PROB1: variants seen among roughly 807,000 people sequenced by gnomAD.
PROB1 encodes proline rich basic protein 1.
For missense variants in PROB1, 1,453 were observed against 1,485.7 expected (o/e 0.98, Z 0.36); for synonymous variants, 660 against 699.3 (o/e 0.94, Z 0.89).
In PROB1 at chr5:139,392,536, G is replaced by A; in HGVS notation, c.2546C>T (p.Ala849Val). 2 of 1,352,914 alleles carry A rather than the reference G, an allele frequency of 1.5e-6. No homozygotes were observed. The highest frequency in any genetic ancestry group is 1.9e-6 in the Non-Finnish European group (2 of 1,058,272). 83.8% of individuals were successfully genotyped at this position (1,352,914 alleles called of 1,614,324 possible). Residue 849 changes from alanine (A) to valine (V), a missense_variant, in exon 1 of 1, where the codon GCC becomes GTC. Transcript: ENST00000434752. The surrounding 1 kb of genome is among the most constrained non-coding windows in gnomAD (Gnocchi z 5.8). ...PLALAGRTAP[A>V]QPRAASAPPT... is the part of the protein sequence containing the mutation. The stretch of plus-strand genomic sequence containing the variant: ...AGGCGCCGAGGCAGCGCGGGGCTGG[G>A]CTGGGGCCGTCCTGCCCGCCAACGC...
At position 139,393,016 on chromosome 5, in the gene PROB1, G is replaced by T. The variant is rs946487506; in HGVS notation, c.2066C>A (p.Pro689Gln). Reference protein sequence around the residue: ...YTSVFIKDFLPVVPHPYEPPE... With the variant: ...YTSVFIKDFLQVVPHPYEPPE... ...AGGCTCGTAGGGGTGCGGCACCACC[G>T]GTAGAAAATCCTTGATGAAAACGGA... The change falls in exon 1 of 1, where the codon CCG (proline) becomes CAG (glutamine). Residue 689 changes from proline to glutamine, a missense_variant. Physicochemically the swap from Pro to Gln is moderately conservative, Grantham distance 76. Transcript: ENST00000434752. 5.3e-6 allele frequency: 8 copies of T among 1,522,560 alleles called. No homozygotes were observed. The African/African-American group carries it at 1.1e-4, about 21-fold the overall frequency. 94.3% of individuals were successfully genotyped at this position (1,522,560 alleles called of 1,614,324 possible). A position where few individuals can be genotyped will look rare whatever the true frequency, so the allele number is the denominator to read the frequency against.
rs1175408915 is a variant in PROB1 at position 139,393,257 on chromosome 5, G to A, written c.1825C>T (p.Pro609Ser). The A allele has an allele frequency of 2.5e-5, 39 of 1,549,420 alleles. No individual in the cohort carries two copies. In the Admixed American group the frequency reaches 7.5e-4, roughly 30 times the overall value. The change falls in exon 1 of 1, where the codon CCT becomes TCT. Residue 609 changes from proline to serine, a missense_variant. Coordinates refer to ENST00000434752, the MANE Select transcript of PROB1 (RefSeq NM_001161546.2). ...GGGCGTCCCGAGGCCGCCTCTCCAGGACCCAAGACTTCCGGGCACTTATCC... is the reference window on the plus strand; with the variant it reads ...GGGCGTCCCGAGGCCGCCTCTCCAGAACCCAAGACTTCCGGGCACTTATCC... The part of the protein sequence containing the change: ...DADKCPEVLG[P>S]GEAASGRPRM...
Position 139,394,740 on chromosome 5 carries a change from G to A in PROB1, c.342C>T (p.Ile114=). ...AGCCGAACAGGGGTCCGACGCCGAA[G>A]ATGACTTCCATCTCCCCCGACGGCA... ...RTLPSGEMEV[I]FGVGPLFGCS... Residue 114 remains isoleucine (I), a synonymous_variant, in exon 1 of 1, where the codon ATC becomes ATT. Transcript: ENST00000434752. 1 of 1,534,050 alleles carries A rather than the reference G, an allele frequency of 6.5e-7. No homozygotes were observed. Among genetic ancestry groups the A allele is most frequent in the Non-Finnish European group, 8.7e-7 (1 of 1,143,874 alleles).
In PROB1 at chr5:139,394,677, G is replaced by T. The variant is rs1252440030; in HGVS notation, c.405C>A (p.Phe135Leu). ...AGGGGCTGATGAAGGCCGGCTCCGT[G>T]AACTGTTGTTGCGCCTCGCGATCGT... ...GADDREAQQQ[F>L]TEPAFISPLP... Residue 135 changes from phenylalanine to leucine, a missense_variant, in exon 1 of 1, where the codon TTC (phenylalanine) becomes TTA (leucine). Phe to Leu is a conservative substitution (Grantham distance 22). Transcript: ENST00000434752. 1 of 1,534,574 alleles carries T rather than the reference G, an allele frequency of 6.5e-7. No individual in the cohort carries two copies. The highest frequency in any genetic ancestry group is 2.5e-5 in the East Asian group (1 of 40,464).
Position 139,393,897 on chromosome 5 carries a change from C to T in PROB1, c.1185G>A (p.Pro395=). The part of the protein sequence containing the change: ...SRAVRPRSPS[P]PRQTPNGAVR... ...CAGCCCCATTTGGAGTCTGCCGTGG[C>T]GGGGACGGGCTCCTTGGCCTCACAG... The change falls in exon 1 of 1, where the codon CCG becomes CCA. Residue 395 remains proline (P), a synonymous_variant. Transcript: ENST00000434752. 6.4e-7 allele frequency: 1 copy of T among 1,550,996 alleles called. No individual in the cohort carries two copies. The highest frequency in any genetic ancestry group is 2.4e-5 in the East Asian group (1 of 40,922).
rs1182521878 is a variant in PROB1, at chr5:139,392,027, C to T, written c.*7G>A. 4.3e-6 allele frequency: 6 copies of T among 1,393,758 alleles called. No homozygotes were observed. Among genetic ancestry groups the T allele is most frequent in the Non-Finnish European group, 5.6e-6 (6 of 1,070,716 alleles). The allele number at this position is 1,393,758 out of a possible 1,614,324, so 86.3% of individuals were successfully genotyped here. A position where few individuals can be genotyped will look rare whatever the true frequency, so the allele number is the denominator to read the frequency against. ...GGCTCCAACTCCATGGGGATCGGCC[C>T]GGGGCCTCACAGCGGGAACAATGAA... On this transcript the variant is annotated 3_prime_UTR_variant, in exon 1 of 1. Coordinates refer to ENST00000434752, the MANE Select transcript of PROB1 (RefSeq NM_001161546.2). This position sits in a 1 kb window ranked among gnomAD's most constrained non-coding sequence, Gnocchi z 5.8.
rs1049021469 is a variant in PROB1 at position 139,394,579 on chromosome 5, G to T, written c.503C>A (p.Ala168Asp). 1 of 1,527,782 alleles carries T rather than the reference G, an allele frequency of 6.5e-7. No homozygotes were observed. Among genetic ancestry groups the T allele is most frequent in the African/African-American group, 1.4e-5 (1 of 71,942 alleles). 94.6% of individuals were successfully genotyped at this position (1,527,782 alleles called of 1,614,324 possible). A position where few individuals can be genotyped will look rare whatever the true frequency, so the allele number is the denominator to read the frequency against. The change falls in exon 1 of 1, where the codon GCC becomes GAC. Residue 168 changes from alanine to aspartate, a missense_variant. Physicochemically the swap from Ala to Asp is moderately radical, Grantham distance 126. Coordinates refer to ENST00000434752, the MANE Select transcript of PROB1 (RefSeq NM_001161546.2). ...SQVPDGGSRW[A>D]TYLELRPRGP... The stretch of plus-strand genomic sequence containing the variant: ...ACGGGGCCGCAGCTCTAGGTAGGTG[G>T]CCCAGCGGGAGCCACCATCGGGGAC...
chr5:139,393,526 TG>T lies in PROB1; in HGVS notation c.1555del (p.Gln519LysfsTer13). 6.4e-7 allele frequency: 1 copy of T among 1,551,362 alleles called. No individual in the cohort carries two copies. The highest frequency in any genetic ancestry group is 2.4e-5 in the East Asian group (1 of 40,902). On this transcript the variant is annotated frameshift_variant, in exon 1 of 1. Transcript: ENST00000434752. LOFTEE classifies it low-confidence loss of function (END_TRUNC). ...RPIGTWGPSPQETWDPMGPGS... is the reference protein window; with the variant it reads ...RPIGTWGPSPXETWDPMGPGS... ...CGGCCCCATGGGATCCCATGTCTCT[TG>T]GGGAGATGGGCCCCAAGTTCCAATA...
chr5:139,394,713 G>A lies in PROB1; in HGVS notation c.369C>T (p.Cys123=). The change falls in exon 1 of 1, where the codon TGC becomes TGT. Residue 123 remains cysteine, a synonymous_variant. Coordinates refer to ENST00000434752, the MANE Select transcript of PROB1 (RefSeq NM_001161546.2). ...VIFGVGPLFG[C]SGADDREAQQ... ...GCGCCTCGCGATCGTCTGCGCCGGA[G>A]CAGCCGAACAGGGGTCCGACGCCGA... The A allele has an allele frequency of 6.5e-7, 1 of 1,532,990 alleles. No homozygotes were observed. The allele number at this position is 1,532,990 out of a possible 1,614,324, so 95.0% of individuals were successfully genotyped here.
chr5:139,394,804 C>G lies in PROB1; in HGVS notation c.278G>C (p.Gly93Ala). The G allele has an allele frequency of 6.5e-7, 1 of 1,529,582 alleles. No homozygotes were observed. The highest frequency in any genetic ancestry group is 8.8e-7 in the Non-Finnish European group (1 of 1,138,612). 94.8% of individuals were successfully genotyped at this position (1,529,582 alleles called of 1,614,324 possible). Residue 93 changes from glycine to alanine, a missense_variant, in exon 1 of 1, where the codon GGT becomes GCT. Transcript: ENST00000434752. ...GPGSGFPRGPGSGPRPPQPQL... is the reference protein window; with the variant it reads ...GPGSGFPRGPASGPRPPQPQL... ...GGGCTGGGGTGGCCGTGGGCCGGAA[C>G]CTGGGCCTCGCGGGAAACCCGAGCC... is the stretch of plus-strand genomic sequence containing the variant.
In PROB1 at chr5:139,392,517, C is replaced by A; in HGVS notation, c.2565G>T (p.Ser855=). ...GCGGGGACCGGTCCGTGGGAGGCGCCGAGGCAGCGCGGGGCTGGGCTGGGG... is the reference window on the plus strand; with the variant it reads ...GCGGGGACCGGTCCGTGGGAGGCGCAGAGGCAGCGCGGGGCTGGGCTGGGG... ...RTAPAQPRAA[S]APPTDRSPQS... The change falls in exon 1 of 1, where the codon TCG becomes TCT. Residue 855 remains serine, a synonymous_variant. Transcript: ENST00000434752. The surrounding 1 kb of genome is among the most constrained non-coding windows in gnomAD (Gnocchi z 5.8). The A allele has an allele frequency of 7.4e-7, 1 of 1,342,952 alleles. No homozygotes were observed. Among genetic ancestry groups the A allele is most frequent in the Non-Finnish European group, 9.5e-7 (1 of 1,051,710 alleles). The allele number at this position is 1,342,952 out of a possible 1,614,324, so 83.2% of individuals were successfully genotyped here.
Position 139,392,923 on chromosome 5 carries a change from GC to G in PROB1, c.2158del (p.Ala720GlnfsTer28). ...SQPNGVLRRRAENSTAKPFKR... is the reference protein window; with the variant it reads ...SQPNGVLRRRXENSTAKPFKR... Reference sequence around the variant, plus strand: ...GAAGGGCTTCGCCGTGCTGTTCTCTGCCCTCCGCCGCAGGACCCCGTTGGGC... The same window carrying G: ...GAAGGGCTTCGCCGTGCTGTTCTCTGCCTCCGCCGCAGGACCCCGTTGGGC... On this transcript the variant is annotated frameshift_variant, in exon 1 of 1. Coordinates refer to ENST00000434752, the MANE Select transcript of PROB1 (RefSeq NM_001161546.2). LOFTEE classifies it low-confidence loss of function (END_TRUNC). This position sits in a 1 kb window ranked among gnomAD's most constrained non-coding sequence, Gnocchi z 5.8. The G allele has an allele frequency of 6.5e-7, 1 of 1,528,782 alleles. No individual in the cohort carries two copies. The highest frequency in any genetic ancestry group is 8.8e-7 in the Non-Finnish European group (1 of 1,133,708). 94.7% of individuals were successfully genotyped at this position (1,528,782 alleles called of 1,614,324 possible).
At position 139,391,910 on chromosome 5, in the gene PROB1, G is replaced by T. The variant is rs1758605295; in HGVS notation, c.*124C>A. ...ATTCATTCTCTGAAGATCACTTCCTGTCCGACGACTGACTGGGATGGGTTA... is the reference window on the plus strand; with the variant it reads ...ATTCATTCTCTGAAGATCACTTCCTTTCCGACGACTGACTGGGATGGGTTA... On this transcript the variant is annotated 3_prime_UTR_variant, in exon 1 of 1. Transcript: ENST00000434752. The surrounding 1 kb of genome is among the most constrained non-coding windows in gnomAD (Gnocchi z 4.8). The T allele has an allele frequency of 2.6e-6, 2 of 780,940 alleles. No homozygotes were observed. Among genetic ancestry groups the T allele is most frequent in the Non-Finnish European group, 1.8e-6 (1 of 569,670 alleles). 48.4% of individuals were successfully genotyped at this position (780,940 alleles called of 1,614,324 possible). A position where few individuals can be genotyped will look rare whatever the true frequency, so the allele number is the denominator to read the frequency against.
chr5:139,393,888 CTGCCG>C lies in PROB1; in HGVS notation c.1189_1193del (p.Arg397AspfsTer29), dbSNP rs903857865. ...GACCCCGTACAGCCCCATTTGGAGT[CTGCCG>C]TGGCGGGGACGGGCTCCTTGGCCTC... On this transcript the variant is annotated frameshift_variant, in exon 1 of 1. Transcript: ENST00000434752. LOFTEE classifies it low-confidence loss of function (END_TRUNC). 138 of 1,549,542 alleles carry C rather than the reference CTGCCG, an allele frequency of 8.9e-5. No individual in the cohort carries two copies. The highest frequency in any genetic ancestry group is 1.1e-4 in the Non-Finnish European group (130 of 1,146,560).
chr5:139,391,961 A>G lies in PROB1; in HGVS notation c.*73T>C, dbSNP rs1758605788. 8.4e-7 allele frequency: 1 copy of G among 1,186,230 alleles called. No homozygotes were observed. Among genetic ancestry groups the G allele is most frequent in the South Asian group, 2.8e-5 (1 of 36,070 alleles). 73.5% of individuals were successfully genotyped at this position (1,186,230 alleles called of 1,614,324 possible). A position where few individuals can be genotyped will look rare whatever the true frequency, so the allele number is the denominator to read the frequency against. ...AAGACAGAGGCGACGGAAGGAGAGG[A>G]GGGTAGGGGCTTGGATGCCAGAACC... is the stretch of plus-strand genomic sequence containing the variant. On this transcript the variant is annotated 3_prime_UTR_variant, in exon 1 of 1. Coordinates refer to ENST00000434752, the MANE Select transcript of PROB1 (RefSeq NM_001161546.2). This position sits in a 1 kb window ranked among gnomAD's most constrained non-coding sequence, Gnocchi z 4.8.
In PROB1 at chr5:139,394,417, G is replaced by A. The variant is rs748561015; in HGVS notation, c.665C>T (p.Ala222Val). The A allele has an allele frequency of 1.1e-4, 157 of 1,387,566 alleles. 1 individual carries two copies. The highest frequency in any genetic ancestry group is 1.8e-4 in the Admixed American group (5 of 27,342). The allele number at this position is 1,387,566 out of a possible 1,614,324, so 86.0% of individuals were successfully genotyped here. The change falls in exon 1 of 1, where the codon GCG becomes GTG. Residue 222 changes from alanine to valine, a missense_variant. By Grantham distance (64) the Ala-to-Val change is moderately conservative (BLOSUM62 0). Coordinates refer to ENST00000434752, the MANE Select transcript of PROB1 (RefSeq NM_001161546.2). Reference sequence around the variant, plus strand: ...CAGCCGGGGGCGCGGCGCGCCGGCCGCCCTTGGGGGACTCTGGGGCCGGGG... The same window carrying A: ...CAGCCGGGGGCGCGGCGCGCCGGCCACCCTTGGGGGACTCTGGGGCCGGGG... ...LRPRPQSPPR[A>V]AGAPRPRLLL...
rs1045272367 is a variant in PROB1 at position 139,392,497 on chromosome 5, G to C, written c.2585C>G (p.Ser862Cys). ...RAASAPPTDR[S>C]PQSPSQGARR... ...CGCTCCCTGGGAGGGGCTTTGCGGG[G>C]ACCGGTCCGTGGGAGGCGCCGAGGC... is the stretch of plus-strand genomic sequence containing the variant. Residue 862 changes from serine to cysteine, a missense_variant, in exon 1 of 1, where the codon TCC becomes TGC. Transcript: ENST00000434752. The surrounding 1 kb of genome is among the most constrained non-coding windows in gnomAD (Gnocchi z 5.8). The C allele has an allele frequency of 2.9e-6, 4 of 1,362,594 alleles. No homozygotes were observed. In the African/African-American group the frequency reaches 6.1e-5, roughly 21 times the overall value. The allele number at this position is 1,362,594 out of a possible 1,614,324, so 84.4% of individuals were successfully genotyped here.
At position 139,392,560 on chromosome 5, in the gene PROB1, G is replaced by A. The variant is rs1158744472; in HGVS notation, c.2522C>T (p.Ala841Val). The change falls in exon 1 of 1, where the codon GCG becomes GTG. Residue 841 changes from alanine to valine, a missense_variant. Physicochemically the swap from Ala to Val is moderately conservative, Grantham distance 64. Coordinates refer to ENST00000434752, the MANE Select transcript of PROB1 (RefSeq NM_001161546.2). The surrounding 1 kb of genome is among the most constrained non-coding windows in gnomAD (Gnocchi z 5.8). ...GGCTGGGGCCGTCCTGCCCGCCAAC[G>A]CCAGGGGCTCCCGCGGGAGTGGCGC... ...VQAPLPREPL[A>V]LAGRTAPAQP... is the part of the protein sequence containing the mutation. 7.4e-7 allele frequency: 1 copy of A among 1,350,330 alleles called. No homozygotes were observed. Among genetic ancestry groups the A allele is most frequent in the South Asian group, 1.9e-5 (1 of 52,876 alleles). The allele number at this position is 1,350,330 out of a possible 1,614,324, so 83.6% of individuals were successfully genotyped here. A position where few individuals can be genotyped will look rare whatever the true frequency, so the allele number is the denominator to read the frequency against.
rs373584534 is a variant in PROB1, at chr5:139,393,435, A to G, written c.1647T>C (p.Pro549=). The G allele has an allele frequency of 1.2e-3, 1,897 of 1,551,622 alleles. 2 individuals carry two copies. Among genetic ancestry groups the G allele is most frequent in the Admixed American group, 1.4e-3 (70 of 51,008 alleles). ...CTGGAGTGCCGGGTGCGGACGGTGTAGGCGGTGCCAACTCCTCCTGAGTTA... is the reference window on the plus strand; with the variant it reads ...CTGGAGTGCCGGGTGCGGACGGTGTGGGCGGTGCCAACTCCTCCTGAGTTA... ...NGLTQEELAP[P]TPSAPGTPEP... The change falls in exon 1 of 1, where the codon CCT becomes CCC. Residue 549 remains proline, a synonymous_variant. Coordinates refer to ENST00000434752, the MANE Select transcript of PROB1 (RefSeq NM_001161546.2).
Sources: allele counts gnomAD v4.1 joint callset, GRCh38; gene constraint gnomAD v4.1.1; non-coding constraint Gnocchi (gnomAD v3.1); transcripts MANE v1.5; gene names NCBI Gene and HGNC (gene_info 2026-07-23, HGNC 2026-07-21).